Variants in CD96 observed in about 807,000 individuals in gnomAD.
CD96 encodes the protein T-cell surface protein tactile.
In CD96, 70 loss-of-function variants were observed where a neutral mutation model predicts 71.3. That is an observed-to-expected ratio of 0.98 (90% CI 0.81 to 1.20). The LOEUF (loss-of-function observed/expected upper bound fraction) is 1.20. CD96 is among the 50% of genes most tolerant of loss of function. The pLI, the probability that CD96 is intolerant of heterozygous loss-of-function variation, is 0.00. For synonymous variants in CD96, 248 were observed against 233.0 expected, an observed-to-expected ratio of 1.06 and a Z score of -0.59; for missense variants, 742 against 677.5, an observed-to-expected ratio of 1.10 and a Z score of -1.06.
chr3:111,634,277 C>T (rs953460125), intron 10 of CD96: 13 of 151,940 alleles, frequency 8.6e-5, no homozygotes, highest in African/African-American at 2.9e-4. Context: ...AGTATGCTGC[C>T]CATCAATAGT....
At chr3:111,588,303 CTT>C (rs1016628967) in intron 5 of CD96, among the ~76,000 whole-genome samples, 2 of 151,570 alleles carry the variant, frequency 1.3e-5, no homozygotes, top group African/African-American at 4.9e-5. Flanking sequence ...CCACCAGTCT[CTT>C]AACTAAAACA....
At chr3:111,620,296 G>C (rs1165622250) in intron 8 of CD96, among the ~76,000 whole-genome samples, 2 of 152,164 alleles carry the variant, frequency 1.3e-5, no homozygotes, top group East Asian at 1.9e-4. Flanking sequence ...CCAGTGCCAA[G>C]CACAGTGCCT....
In CD96 at chr3:111,542,203, C is replaced by G. The variant is rs1218823124; in HGVS notation, c.-46C>G. On this transcript the variant is annotated 5_prime_UTR_variant, in exon 1 of 14. Coordinates refer to ENST00000352690, the MANE Select transcript of CD96 (RefSeq NM_005816.5). Reference sequence around the variant, plus strand: ...GAGTTTGCTTGAAAACATCAATTGACTTTGTGATCATTACAGAAATGCTGG... The same window carrying G: ...GAGTTTGCTTGAAAACATCAATTGAGTTTGTGATCATTACAGAAATGCTGG... 3 of 1,572,800 alleles carry G rather than the reference C, an allele frequency of 1.9e-6. No homozygotes were observed. Among genetic ancestry groups the G allele is most frequent in the Non-Finnish European group, 2.6e-6 (3 of 1,142,510 alleles).
At chr3:111,656,191 G>A (rs967282113), downstream of CD96, among the ~76,000 whole-genome samples, 2 of 151,892 alleles carry the variant, frequency 1.3e-5, no homozygotes, top group Non-Finnish European at 2.9e-5. Context: ...TATGAAAAAT[G>A]GGCTAAAGCC....
downstream of CD96, among the ~76,000 whole-genome samples, chr3:111,656,697 C>G (rs984662240): frequency 1.1e-4 from 17 of 151,918 alleles, no homozygotes; most frequent in Admixed American, 2.0e-4. Flanking sequence ...AGAAGAAAAT[C>G]TCTATCAACT....
chr3:111,581,828 G>T (rs1936479766), intron 4 of CD96, among the ~76,000 whole-genome samples: 1 of 152,118 alleles, frequency 6.6e-6, no homozygotes, highest in Admixed American at 6.5e-5. Context: ...TCTTGGTTTT[G>T]GGTTCCCCTG....
intron 4 of CD96, among the ~76,000 whole-genome samples, chr3:111,582,489 C>T (rs766151334): frequency 2.6e-5 from 4 of 152,148 alleles, no homozygotes; most frequent in Non-Finnish European, 5.9e-5. Flanking sequence ...TTTCCTAGTG[C>T]CAAGCAACCA....
intron 8 of CD96, among the ~76,000 whole-genome samples, chr3:111,611,022 C>A (rs1467736820): frequency 6.6e-6 from 1 of 152,170 alleles, no homozygotes; most frequent in Non-Finnish European, 1.5e-5. Context: ...AGCTTACGAT[C>A]CTGTGTGACC....
At chr3:111,553,632 CTCA>C (rs1433427051) in intron 2 of CD96, among the ~76,000 whole-genome samples, 2 of 151,900 alleles carry the variant, frequency 1.3e-5, no homozygotes, top group Middle Eastern at 3.2e-3. Flanking sequence ...GAAACTTCCT[CTCA>C]TCAACTTATT....
chr3:111,543,253 A>G (rs1188836026), intron 1 of CD96, among the ~76,000 whole-genome samples: 1 of 152,166 alleles, frequency 6.6e-6, no homozygotes, highest in African/African-American at 2.4e-5. Flanking sequence ...TCACAATAAT[A>G]TATATCATTT....
intron 2 of CD96, among the ~76,000 whole-genome samples, chr3:111,557,070 A>C (rs1935099705): frequency 8.8e-6 from 1 of 114,264 alleles, no homozygotes; most frequent in East Asian, 2.4e-4. Context: ...TTTTCTTGTA[A>C]ATTTGTTTGA....
intron 4 of CD96, among the ~76,000 whole-genome samples, chr3:111,582,500 A>G (rs1210639713): frequency 6.6e-6 from 1 of 152,220 alleles, no homozygotes; most frequent in Non-Finnish European, 1.5e-5. Flanking sequence ...CAAGCAACCA[A>G]ACAAGAATCA....
At chr3:111,573,152 T>G (rs1015464271) in intron 3 of CD96, among the ~76,000 whole-genome samples, 1 of 152,224 alleles carries the variant, frequency 6.6e-6, no homozygotes, top group Non-Finnish European at 1.5e-5. Flanking sequence ...TTTCCCATCT[T>G]ATGCATTGGG....
At chr3:111,620,789 A>G (rs1055329430) in intron 8 of CD96, among the ~76,000 whole-genome samples, 3 of 152,186 alleles carry the variant, frequency 2.0e-5, no homozygotes, top group Non-Finnish European at 4.4e-5. Flanking sequence ...TGGGGCAGAG[A>G]CATAGTCACA....
rs186999157 is a variant in CD96, at chr3:111,650,668, T to A, written c.*862T>A. 1 of 152,318 alleles carries A rather than the reference T, an allele frequency of 6.6e-6. No individual in the cohort carries two copies. The highest frequency in any genetic ancestry group is 1.5e-5 in the Non-Finnish European group (1 of 68,090). The allele number at this position is 152,318 out of a possible 1,614,324, so 9.4% of individuals were successfully genotyped here. On this transcript the variant is annotated 3_prime_UTR_variant, in exon 14 of 14. Coordinates refer to ENST00000352690, the MANE Select transcript of CD96 (RefSeq NM_005816.5). Reference sequence around the variant, plus strand: ...TCTGGGGATTTACCTGTTCATTTAATCTGCCTGTTTTGATCTGTTTTGAAA... The same window carrying A: ...TCTGGGGATTTACCTGTTCATTTAAACTGCCTGTTTTGATCTGTTTTGAAA...
intron 14 of CD96, among the ~76,000 whole-genome samples, chr3:111,663,834 C>T (rs908240110): frequency 2.2e-4 from 34 of 151,714 alleles, no homozygotes; most frequent in African/African-American, 3.1e-4. Context: ...CTGCAAGCTC[C>T]ACCTCCCGGG....
intron 2 of CD96, among the ~76,000 whole-genome samples, chr3:111,553,792 A>T (rs1440536876): frequency 6.6e-6 from 1 of 152,054 alleles, no homozygotes; most frequent in Non-Finnish European, 1.5e-5. Context: ...ATGAATTTAT[A>T]TGAACTTAAA....
At chr3:111,611,768 C>T (rs1310633197) in intron 8 of CD96, among the ~76,000 whole-genome samples, 3 of 152,066 alleles carry the variant, frequency 2.0e-5, no homozygotes, top group East Asian at 1.9e-4. Context: ...TAAGCAAAGG[C>T]GTAAAACAAA....
At chr3:111,570,970 C>G in intron 3 of CD96, 1 of 1,537,512 alleles carries the variant, frequency 6.5e-7, no homozygotes, top group Non-Finnish European at 9.0e-7. Context: ...TCTGAGGCCA[C>G]CAGAGTGAAA....
Sources: gnomAD v4.1 joint callset for allele counts (sites outside exome capture counted in the v4.1 genomes callset) on GRCh38, gnomAD v4.1.1 for gene constraint, MANE v1.5 for transcripts, NCBI Gene and HGNC (gene_info 2026-07-23, HGNC 2026-07-21) for gene names.